The following CCDC148 variants were observed in gnomAD, a reference collection of about 807,000 sequenced individuals.
CCDC148 encodes coiled-coil domain-containing protein 148.
Under a neutral mutation model 85.7 loss-of-function variants are expected in CCDC148, and 89 were observed. The observed-to-expected ratio is 1.04, with a 90% CI of 0.87 to 1.24. The LOEUF (loss-of-function observed/expected upper bound fraction) is 1.24. CCDC148 is among the 50% of genes most tolerant of loss of function. The pLI, the probability that CCDC148 is intolerant of heterozygous loss-of-function variation, is 0.00. For synonymous variants in CCDC148, 230 were observed against 213.9 expected (o/e 1.08, Z -0.66); for missense variants, 692 against 671.7 (o/e 1.03, Z -0.33).
chr2:158,411,720 C>T (rs977254232), intron 1 of CCDC148, among the ~76,000 whole-genome samples: 1 of 152,082 alleles, frequency 6.6e-6, no homozygotes, highest in African/African-American at 2.4e-5. Flanking sequence ...AATTTATTGT[C>T]TTCCTTTGAT....
chr2:158,198,167 A>G (rs1685771825), intron 11 of CCDC148, among the ~76,000 whole-genome samples: 1 of 152,114 alleles, frequency 6.6e-6, no homozygotes, highest in African/African-American at 2.4e-5. Flanking sequence ...TCCTTCTACT[A>G]AGAAAACACC....
chr2:158,269,184 G>A (rs969492758), intron 9 of CCDC148, among the ~76,000 whole-genome samples: 1 of 152,088 alleles, frequency 6.6e-6, no homozygotes, highest in African/African-American at 2.4e-5. Context: ...CCCACCAACA[G>A]TGTAGAAGAA....
chr2:158,234,662 T>C (rs1688014929), intron 10 of CCDC148, among the ~76,000 whole-genome samples: 1 of 152,134 alleles, frequency 6.6e-6, no homozygotes, highest in African/African-American at 2.4e-5. Context: ...GTTGCAAGAT[T>C]TGCAAAATGC....
At chr2:158,271,944 T>C (rs576373954) in intron 9 of CCDC148, among the ~76,000 whole-genome samples, 4 of 152,300 alleles carry the variant, frequency 2.6e-5, no homozygotes, top group Admixed American at 2.6e-4. Context: ...CTAACTACTT[T>C]AGCTTAGAAA....
At chr2:158,434,412 A>G (rs1687534711) in intron 1 of CCDC148, among the ~76,000 whole-genome samples, 1 of 152,228 alleles carries the variant, frequency 6.6e-6, no homozygotes, top group African/African-American at 2.4e-5. Flanking sequence ...GAGGGTCCTG[A>G]CTGTTAGAAA....
At chr2:158,331,627 T>A (rs888522676) in intron 7 of CCDC148, among the ~76,000 whole-genome samples, 3 of 152,080 alleles carry the variant, frequency 2.0e-5, no homozygotes, top group Admixed American at 1.3e-4. Context: ...CCCATTATTA[T>A]TGTGTGGGAG....
At chr2:158,277,627 T>C (rs1690017471) in intron 9 of CCDC148, among the ~76,000 whole-genome samples, 1 of 151,918 alleles carries the variant, frequency 6.6e-6, no homozygotes, top group East Asian at 1.9e-4. Flanking sequence ...GACAGAGTCT[T>C]GCTCTGTTGC....
At chr2:158,306,754 C>G (rs946031933) in intron 9 of CCDC148, among the ~76,000 whole-genome samples, 4 of 151,320 alleles carry the variant, frequency 2.6e-5, no homozygotes, top group Admixed American at 2.0e-4. Context: ...GTGCAGCACA[C>G]CAACATGGCA....
intron 10 of CCDC148, among the ~76,000 whole-genome samples, chr2:158,250,418 C>T (rs1688741429): frequency 6.6e-6 from 1 of 151,854 alleles, no homozygotes; most frequent in South Asian, 2.1e-4. Context: ...TACCACATTG[C>T]CATCAACCAA....
At chr2:158,452,780 GCTGTGGATATACGTA>G (rs1381228710) in intron 1 of CCDC148, among the ~76,000 whole-genome samples, 1 of 152,162 alleles carries the variant, frequency 6.6e-6, no homozygotes, top group African/African-American at 2.4e-5. Flanking sequence ...TCCTTCAAGG[GCTGTGGATATACGTA>G]CTAGGAAGCA....
chr2:158,189,078 T>TA (rs1186142369), intron 11 of CCDC148, among the ~76,000 whole-genome samples: 1 of 151,580 alleles, frequency 6.6e-6, no homozygotes, highest in Non-Finnish European at 1.5e-5. Flanking sequence ...AATTAAAAAG[T>TA]AAAAAACAAA....
intron 9 of CCDC148, among the ~76,000 whole-genome samples, chr2:158,271,804 T>C (rs1344827121): frequency 3.9e-5 from 6 of 152,144 alleles, no homozygotes; most frequent in South Asian, 2.1e-4. Flanking sequence ...TATTATAGTA[T>C]GGAAATCAGA....
At chr2:158,294,843 A>C (rs1559050453) in intron 9 of CCDC148, among the ~76,000 whole-genome samples, 1 of 149,020 alleles carries the variant, frequency 6.7e-6, no homozygotes, top group Admixed American at 6.7e-5. Flanking sequence ...ACAAAAAAAA[A>C]CCTGCCAAAA....
In CCDC148 at chr2:158,423,817, T is replaced by C. The variant is rs1369567875; in HGVS notation, c.25+32598A>G. Among the ~76,000 whole-genome samples the C allele has an allele frequency of 3.3e-5, 5 of 152,290 alleles. No homozygotes were observed. The East Asian group carries it at 9.6e-4, about 29-fold the overall frequency. On this transcript the variant is annotated intron_variant, in intron 1 of 13. Coordinates refer to ENST00000283233, the MANE Select transcript of CCDC148 (RefSeq NM_138803.4). ...GGAGAAAATTTTTGTAATCTACTCA[T>C]CTGACAAAGGGCTAATATCCAGAAT...
At chr2:158,228,568 A>T (rs1403418713) in intron 10 of CCDC148, among the ~76,000 whole-genome samples, 3 of 152,184 alleles carry the variant, frequency 2.0e-5, no homozygotes, top group Non-Finnish European at 4.4e-5. Context: ...CAAATGTCCA[A>T]CAATGATAGA....
chr2:158,306,017 A>G (rs984413582), intron 9 of CCDC148, among the ~76,000 whole-genome samples: 2 of 152,218 alleles, frequency 1.3e-5, no homozygotes, highest in African/African-American at 2.4e-5. Context: ...AAGGCTACAC[A>G]CTGTTGAGTT....
chr2:158,210,672 G>C (rs1271167877), intron 11 of CCDC148, among the ~76,000 whole-genome samples: 1 of 151,402 alleles, frequency 6.6e-6, no homozygotes, highest in Non-Finnish European at 1.5e-5. Flanking sequence ...GGCCGGGTGC[G>C]GTGGCTCACA....
intron 1 of CCDC148, among the ~76,000 whole-genome samples, chr2:158,445,630 G>GAATAAACAT (rs1273435075): frequency 1.3e-5 from 2 of 152,108 alleles, no homozygotes; most frequent in Non-Finnish European, 2.9e-5. Flanking sequence ...GGCAGGGAAA[G>GAATAAACAT]AATAAACATT....
chr2:158,371,217 A>G (rs1242727673), intron 1 of CCDC148, among the ~76,000 whole-genome samples: 1 of 146,604 alleles, frequency 6.8e-6, no homozygotes, highest in Non-Finnish European at 1.5e-5. Context: ...TGATATTGAT[A>G]CTGAATTGAT....
Sources: gnomAD v4.1 joint callset for allele counts (sites outside exome capture counted in the v4.1 genomes callset) on GRCh38, gnomAD v4.1.1 for gene constraint, MANE v1.5 for transcripts, NCBI Gene and HGNC (gene_info 2026-07-23, HGNC 2026-07-21) for gene names.